Variants in CNTLN observed in about 807,000 individuals in gnomAD.
The protein encoded by CNTLN is centlein, centrosomal protein.
In CNTLN, 212 loss-of-function variants were observed where a neutral mutation model predicts 180.0. That is an observed-to-expected ratio of 1.18 (90% CI 1.05 to 1.32). The LOEUF (loss-of-function observed/expected upper bound fraction) is 1.32, where lower values mean the gene tolerates loss of function less well. CNTLN is among the 40% of genes most tolerant of loss of function. The pLI, the probability that CNTLN is intolerant of heterozygous loss-of-function variation, is 0.00. For missense variants in CNTLN, 2,095 were observed against 1,610.9 expected, an observed-to-expected ratio of 1.30 and a Z score of -5.14; for synonymous variants, 722 against 563.1, an observed-to-expected ratio of 1.28 and a Z score of -3.99.
At chr9:17,291,055 T>C (rs1322055985) in intron 6 of CNTLN, among the ~76,000 whole-genome samples, 1 of 152,206 alleles carries the variant, frequency 6.6e-6, no homozygotes, top group Non-Finnish European at 1.5e-5. Flanking sequence ...CTTAATTTCA[T>C]TATATACCCA....
intron 25 of CNTLN, among the ~76,000 whole-genome samples, chr9:17,501,579 A>G (rs2134424929): frequency 6.6e-6 from 1 of 152,350 alleles, no homozygotes; most frequent in South Asian, 2.1e-4. Flanking sequence ...GCCGACAGTG[A>G]TGCTGTCAGT....
At position 17,455,921 on chromosome 9, in the gene CNTLN, C is replaced by T. The variant is rs547288629; in HGVS notation, c.3115-1603C>T. Among the ~76,000 whole-genome samples the T allele has an allele frequency of 2.0e-5, 3 of 152,174 alleles. No homozygotes were observed. In the South Asian group the frequency reaches 6.2e-4, roughly 32 times the overall value. On this transcript the variant is annotated intron_variant, in intron 18 of 25. Coordinates refer to ENST00000380647, the MANE Select transcript of CNTLN (RefSeq NM_017738.4). ...TATCCACAAACATTTGAGCTTTATT[C>T]TGTTGGAATGAAGAACCTATGAAGG...
chr9:17,261,545 A>G (rs949529611), intron 5 of CNTLN, among the ~76,000 whole-genome samples: 2 of 151,336 alleles, frequency 1.3e-5, no homozygotes, highest in Non-Finnish European at 2.9e-5. Context: ...CTTTACTGAA[A>G]TTATGTATTC....
chr9:17,363,954 G>C (rs1372761772), intron 12 of CNTLN, among the ~76,000 whole-genome samples: 2 of 151,976 alleles, frequency 1.3e-5, no homozygotes, highest in Non-Finnish European at 2.9e-5. Context: ...TTCTGGCTTT[G>C]TTTGTTGATA....
intron 18 of CNTLN, among the ~76,000 whole-genome samples, chr9:17,446,192 C>T (rs1471358696): frequency 6.6e-6 from 1 of 152,124 alleles, no homozygotes; most frequent in Non-Finnish European, 1.5e-5. Context: ...CGGGATCCTC[C>T]ATATGCTGAA....
chr9:17,342,359 C>G lies in CNTLN; in HGVS notation c.1801C>G (p.Gln601Glu), dbSNP rs770542715. The change falls in exon 12 of 26, where the codon CAA becomes GAA. Residue 601 changes from glutamine (Q) to glutamate (E), a missense_variant. By Grantham distance (29) the Gln-to-Glu change is conservative (BLOSUM62 2). Coordinates refer to ENST00000380647, the MANE Select transcript of CNTLN (RefSeq NM_017738.4). ...CAGGAAAATAAAGAGAGCAGATCCC[C>G]AACAACTTCGACAAGAAGATTCTGA... ...EIRKIKRADP[Q>E]QLRQEDSDAV... 2 of 1,612,108 alleles carry G rather than the reference C, an allele frequency of 1.2e-6. No homozygotes were observed. The highest frequency in any genetic ancestry group is 1.1e-5 in the South Asian group (1 of 90,440).
intron 18 of CNTLN, among the ~76,000 whole-genome samples, chr9:17,433,756 T>A (rs931604865): frequency 1.3e-5 from 2 of 152,066 alleles, no homozygotes; most frequent in African/African-American, 4.8e-5. Context: ...TTTTAAAAAA[T>A]TTTTTGTAGA....
At chr9:17,295,345 G>A (rs1045802145) in intron 6 of CNTLN, among the ~76,000 whole-genome samples, 8 of 152,202 alleles carry the variant, frequency 5.3e-5, no homozygotes, top group African/African-American at 1.7e-4. Flanking sequence ...AAGGTGGCGC[G>A]GAGAGCGAGC....
At chr9:17,330,559 T>G (rs1820575693) in intron 8 of CNTLN, 73 bp from the exon 9 acceptor site, 1 of 841,954 alleles carries the variant, frequency 1.2e-6, no homozygotes. Flanking sequence ...TAGTGTTACA[T>G]TTAACTATTT....
downstream of CNTLN, among the ~76,000 whole-genome samples, chr9:17,508,782 A>G (rs1222481340): frequency 6.6e-6 from 1 of 152,246 alleles, no homozygotes; most frequent in African/African-American, 2.4e-5. Context: ...ATCTCATTAT[A>G]TGGACATACC....
At chr9:17,509,499 C>T in the CNTLN span, among the ~76,000 whole-genome samples, 1,254 of 152,296 alleles carry the variant, frequency 8.2e-3, 11 homozygotes, top group African/African-American at 0.029. Context: ...TGAAGTGTGG[C>T]AATGGGCCTG....
chr9:17,191,720 T>G (rs1206236501), intron 2 of CNTLN, among the ~76,000 whole-genome samples: 3 of 152,136 alleles, frequency 2.0e-5, no homozygotes. Context: ...TTGTGTAATT[T>G]TACAAATAAT....
At chr9:17,300,926 C>G (rs998492492) in intron 7 of CNTLN, 2 of 962,176 alleles carry the variant, frequency 2.1e-6, no homozygotes, top group Non-Finnish European at 2.5e-6. Context: ...TACCATTTTA[C>G]TTCCTTTATT....
chr9:17,387,680 C>A (rs1440535425), intron 13 of CNTLN, among the ~76,000 whole-genome samples: 1 of 151,676 alleles, frequency 6.6e-6, no homozygotes, highest in Non-Finnish European at 1.5e-5. Flanking sequence ...CATGATCCTT[C>A]ACTTGAAAAA....
At chr9:17,505,354 G>C (rs1439850683), downstream of CNTLN, among the ~76,000 whole-genome samples, 4 of 151,866 alleles carry the variant, frequency 2.6e-5, no homozygotes, top group South Asian at 8.3e-4. Flanking sequence ...GAAATAAAAG[G>C]CATCCAGATT....
At chr9:17,230,070 G>A (rs576847652) in intron 3 of CNTLN, among the ~76,000 whole-genome samples, 8 of 152,148 alleles carry the variant, frequency 5.3e-5, no homozygotes, top group Non-Finnish European at 7.4e-5. Context: ...GCTCTGCTCC[G>A]CAGTGTGGGC....
intron 15 of CNTLN, among the ~76,000 whole-genome samples, chr9:17,399,056 A>G (rs920454502): frequency 1.3e-5 from 2 of 152,224 alleles, no homozygotes; most frequent in East Asian, 1.9e-4. Context: ...AGTTTTCCAT[A>G]TATTTGCCTT....
At chr9:17,466,196 T>A in intron 22 of CNTLN, 78 bp downstream of exon 22, 4 of 1,346,196 alleles carry the variant, frequency 3.0e-6, no homozygotes, top group East Asian at 4.8e-5. Flanking sequence ...TTGTTGCTTT[T>A]TCCTTCCCAA....
intron 6 of CNTLN, among the ~76,000 whole-genome samples, chr9:17,290,010 G>C (rs1276132124): frequency 1.3e-5 from 2 of 152,070 alleles, no homozygotes; most frequent in Non-Finnish European, 2.9e-5. Context: ...CTCTCAGCTC[G>C]TCAGAATCAT....
Sources: gnomAD v4.1 joint callset for allele counts (sites outside exome capture counted in the v4.1 genomes callset) on GRCh38, gnomAD v4.1.1 for gene constraint, MANE v1.5 for transcripts, NCBI Gene and HGNC (gene_info 2026-07-23, HGNC 2026-07-21) for gene names.